Variants in LDLRAD3 observed in about 807,000 individuals in gnomAD.
LDLRAD3 encodes the protein low density lipoprotein receptor class A domain containing 3.
A neutral mutation model predicts 29.4 loss-of-function variants in LDLRAD3; 20 were observed. That is an observed-to-expected ratio of 0.68 (90% CI 0.48 to 0.99). LDLRAD3 has a LOEUF of 0.99. Among genes scored for constraint, LDLRAD3 ranks in the 50% least tolerant of loss-of-function variants. The probability of loss-of-function intolerance (pLI) is 0.00; values close to 1 mark genes in which losing one functional copy is unlikely to be tolerated. For synonymous variants in LDLRAD3, 157 were observed against 192.7 expected (o/e 0.81, Z 1.53); for missense variants, 420 against 454.3 (o/e 0.92, Z 0.69).
At chr11:35,986,541 G>A (rs1851616898) in intron 1 of LDLRAD3, among the ~76,000 whole-genome samples, 2 of 152,230 alleles carry the variant, frequency 1.3e-5, no homozygotes, top group African/African-American at 4.8e-5. Flanking sequence ...ACACATAGAA[G>A]CCTATTTTTC....
At chr11:36,066,115 C>G (rs1852787924) in intron 2 of LDLRAD3, among the ~76,000 whole-genome samples, 1 of 151,760 alleles carries the variant, frequency 6.6e-6, no homozygotes, top group South Asian at 2.1e-4. Context: ...TGAGTTCATT[C>G]AGACTTGAAA....
At chr11:35,950,440 T>C (rs1565118296) in intron 1 of LDLRAD3, among the ~76,000 whole-genome samples, 1 of 152,218 alleles carries the variant, frequency 6.6e-6, no homozygotes, top group Non-Finnish European at 1.5e-5. Flanking sequence ...TTCTGAGGTT[T>C]GAGCTAGAAA....
chr11:36,099,672 G>C (rs1853416918), intron 4 of LDLRAD3, among the ~76,000 whole-genome samples: 1 of 152,198 alleles, frequency 6.6e-6, no homozygotes, highest in African/African-American at 2.4e-5. Flanking sequence ...TTATTTTCAA[G>C]GTCCTAGCTT....
chr11:36,174,806 C>T (rs1177703943), intron 4 of LDLRAD3, among the ~76,000 whole-genome samples: 1 of 152,000 alleles, frequency 6.6e-6, no homozygotes, highest in Non-Finnish European at 1.5e-5. Context: ...ATGATGAAAC[C>T]CTGTCTCTAC....
chr11:36,103,596 C>T (rs904775754), intron 4 of LDLRAD3, among the ~76,000 whole-genome samples: 1 of 152,106 alleles, frequency 6.6e-6, no homozygotes, highest in Non-Finnish European at 1.5e-5. Context: ...TCAGGGTGCC[C>T]TAAGACGTTC....
chr11:35,983,779 C>T lies in LDLRAD3; in HGVS notation c.46+39635C>T, dbSNP rs188801369. Among the ~76,000 whole-genome samples the T allele has an allele frequency of 2.1e-3, 315 of 152,088 alleles. 1 individual carries two copies. Among genetic ancestry groups the T allele is most frequent in the African/African-American group, 7.2e-3 (298 of 41,480 alleles). On this transcript the variant is annotated intron_variant, in intron 1 of 5. Transcript: ENST00000315571. ...CTGAGTAGCTGGGATTACAGGTGCA[C>T]GCCAGGCTAATTCTTTTGTATTTTT...
chr11:36,178,200 G>T (rs1253556979), intron 4 of LDLRAD3, among the ~76,000 whole-genome samples: 1 of 152,098 alleles, frequency 6.6e-6, no homozygotes, highest in African/African-American at 2.4e-5. Flanking sequence ...ATACCACTTT[G>T]TTCTCAATCC....
intron 3 of LDLRAD3, among the ~76,000 whole-genome samples, chr11:36,085,213 CT>C (rs994976380): frequency 2.1e-4 from 32 of 152,290 alleles, no homozygotes; most frequent in African/African-American, 7.5e-4. Flanking sequence ...GAATTCTGAG[CT>C]GACAGTTCTT....
intron 1 of LDLRAD3, among the ~76,000 whole-genome samples, chr11:35,966,194 G>A (rs374909627): frequency 1.3e-4 from 20 of 152,314 alleles, no homozygotes; most frequent in Non-Finnish European, 1.3e-4. Flanking sequence ...TTGGGAGGCC[G>A]AGGTGGGTGG....
At chr11:36,105,196 C>A (rs1204847384) in intron 4 of LDLRAD3, among the ~76,000 whole-genome samples, 1 of 142,998 alleles carries the variant, frequency 7.0e-6, no homozygotes, top group Non-Finnish European at 1.5e-5. Context: ...CCTGTTCCTT[C>A]TGCAGAATTT....
chr11:35,983,525 C>T (rs768080883), intron 1 of LDLRAD3, among the ~76,000 whole-genome samples: 2 of 152,206 alleles, frequency 1.3e-5, no homozygotes, highest in Admixed American at 6.5e-5. Context: ...GATGGCAACA[C>T]CTAGACCCCT....
chr11:36,137,478 C>T (rs1328676311), intron 4 of LDLRAD3, among the ~76,000 whole-genome samples: 1 of 152,218 alleles, frequency 6.6e-6, no homozygotes, highest in Non-Finnish European at 1.5e-5. Flanking sequence ...GGGAAAGATT[C>T]TGAAGGTGAA....
chr11:36,083,576 C>G (rs1321506669), intron 3 of LDLRAD3, among the ~76,000 whole-genome samples: 1 of 151,904 alleles, frequency 6.6e-6, no homozygotes, highest in Non-Finnish European at 1.5e-5. Flanking sequence ...TGGTTTAAAA[C>G]AAAACTGTAA....
rs1590290198 is a variant in LDLRAD3, at chr11:36,128,162, T to C, written c.454+29701T>C. 2.8e-5 allele frequency among the ~76,000 whole-genome samples: 3 copies of C among 108,984 alleles called. No individual in the cohort carries two copies. In the South Asian group the frequency reaches 1.0e-3, roughly 37 times the overall value. 71.5% of individuals were successfully genotyped at this position (108,984 alleles called of 152,430 possible). On this transcript the variant is annotated intron_variant, in intron 4 of 5. Coordinates refer to ENST00000315571, the MANE Select transcript of LDLRAD3 (RefSeq NM_174902.4). Reference sequence around the variant, plus strand: ...TATATGACATGTAGGCAATTAAACTTAGAATGGGAACTGAAAGATGAAGAA... The same window carrying C: ...TATATGACATGTAGGCAATTAAACTCAGAATGGGAACTGAAAGATGAAGAA...
intron 4 of LDLRAD3, among the ~76,000 whole-genome samples, chr11:36,226,689 C>T (rs1855503838): frequency 6.6e-6 from 1 of 152,140 alleles, no homozygotes; most frequent in Admixed American, 6.5e-5. Context: ...ACTGTTAATC[C>T]CCATTCTCTT....
At chr11:36,057,186 A>G (rs577548442) in intron 2 of LDLRAD3, among the ~76,000 whole-genome samples, 2 of 152,230 alleles carry the variant, frequency 1.3e-5, no homozygotes, top group East Asian at 3.9e-4. Flanking sequence ...TGTCCCAGGA[A>G]CCACACTATG....
chr11:36,047,081 C>G (rs531903925), intron 2 of LDLRAD3, among the ~76,000 whole-genome samples: 1 of 152,114 alleles, frequency 6.6e-6, no homozygotes, highest in Non-Finnish European at 1.5e-5. Flanking sequence ...ACTAAGCACA[C>G]AGTGTCACCA....
rs1218872368 is a variant in LDLRAD3, at chr11:36,198,927, G to T, written c.455-28158G>T. ...TGTTTTGTTTTTTTTTGGAGATGGA[G>T]TCTCACTCTGTCGCCCAGGCTGGAA... is the stretch of plus-strand genomic sequence containing the variant. On this transcript the variant is annotated intron_variant, in intron 4 of 5. Transcript: ENST00000315571. Among the ~76,000 whole-genome samples the T allele has an allele frequency of 2.0e-5, 3 of 151,880 alleles. No individual in the cohort carries two copies. The East Asian group carries it at 5.8e-4, about 30-fold the overall frequency.
intron 4 of LDLRAD3, among the ~76,000 whole-genome samples, chr11:36,191,507 C>T (rs1453957314): frequency 1.4e-5 from 2 of 147,938 alleles, no homozygotes; most frequent in African/African-American, 2.5e-5. Flanking sequence ...CGCGCCACTG[C>T]ACTCTAGCCT....
Sources: gnomAD v4.1 joint callset for allele counts (sites outside exome capture counted in the v4.1 genomes callset) on GRCh38, gnomAD v4.1.1 for gene constraint, MANE v1.5 for transcripts, NCBI Gene and HGNC (gene_info 2026-07-23, HGNC 2026-07-21) for gene names.